DENND2C: variants seen among roughly 807,000 people sequenced by gnomAD.
DENND2C encodes the protein DENN domain-containing protein 2C.
A neutral mutation model predicts 112.4 loss-of-function variants in DENND2C; 72 were observed. The observed-to-expected ratio is 0.64, with a 90% CI of 0.53 to 0.78. The LOEUF (loss-of-function observed/expected upper bound fraction) is 0.78, where lower values mean the gene tolerates loss of function less well. DENND2C is among the 30% of genes least tolerant of loss of function. The probability of loss-of-function intolerance (pLI) is 0.00; values close to 1 mark genes in which losing one functional copy is unlikely to be tolerated. For synonymous variants in DENND2C, 329 were observed against 381.6 expected, an observed-to-expected ratio of 0.86 and a Z score of 1.61; for missense variants, 992 against 1,113.8, an observed-to-expected ratio of 0.89 and a Z score of 1.56.
At chr1:114,586,719 TTTTA>T (rs1412806904) in intron 20 of DENND2C, 2 of 150,830 alleles carry the variant, frequency 1.3e-5, no homozygotes, top group African/African-American at 4.8e-5. Context: ...TTTTATTTAT[TTTTA>T]TTTATTTTTT....
At chr1:114,661,743 G>T (rs1441451611) in intron 1 of DENND2C, among the ~76,000 whole-genome samples, 1 of 152,110 alleles carries the variant, frequency 6.6e-6, no homozygotes, top group African/African-American at 2.4e-5. Flanking sequence ...TCCAGTCATT[G>T]CACATACCTC....
At position 114,623,185 on chromosome 1, in the gene DENND2C, C is replaced by T. The variant is rs571021230; in HGVS notation, c.944-86G>A. On this transcript the variant is annotated intron_variant, in intron 5 of 20. Coordinates refer to ENST00000393274, the MANE Select transcript of DENND2C (RefSeq NM_001256404.2). ...GCTGGCAAAAGAAAGAAAAAGCTAA[C>T]TATGTTCAGCTTTCTTATTCTACAT... 460 of 1,241,558 alleles carry T rather than the reference C, an allele frequency of 3.7e-4. 2 individuals are homozygous for T. The Middle Eastern group carries it at 3.9e-3, about 11-fold the overall frequency. The allele number at this position is 1,241,558 out of a possible 1,614,324, so 76.9% of individuals were successfully genotyped here. A position where few individuals can be genotyped will look rare whatever the true frequency, so the allele number is the denominator to read the frequency against.
intron 19 of DENND2C, 29 bp downstream of exon 19, chr1:114,587,687 G>C (rs772940406): frequency 1.1e-5 from 18 of 1,567,662 alleles, no homozygotes; most frequent in Middle Eastern, 3.4e-4. Flanking sequence ...TCACTAAATA[G>C]AGAGGGAGAA....
Position 114,587,851 on chromosome 1 carries a change from G to C in DENND2C, c.2533C>G (p.Arg845Gly), listed in dbSNP as rs748828925. Reference sequence around the variant, plus strand: ...CGGAATGGTTCCCTTTGGAAAACACGCTCCCCACGCTCAGTGACAGTCATG... The same window carrying C: ...CGGAATGGTTCCCTTTGGAAAACACCCTCCCCACGCTCAGTGACAGTCATG... ...LNMTVTERGE[R>G]VFQREPFRKS... The change falls in exon 19 of 21, where the codon CGT becomes GGT. Residue 845 changes from arginine (R) to glycine (G), a missense_variant. By Grantham distance (125) the Arg-to-Gly change is moderately radical. This residue lies in a region of DENND2C where 516 missense variants were observed against 623.6 expected (regional missense o/e 0.83). Transcript: ENST00000393274. 3.1e-6 allele frequency: 5 copies of C among 1,613,968 alleles called. No individual in the cohort carries two copies. In the Admixed American group the frequency reaches 6.7e-5, roughly 22 times the overall value.
chr1:114,656,092 G>A (rs202013628), intron 1 of DENND2C, among the ~76,000 whole-genome samples: 1 of 151,776 alleles, frequency 6.6e-6, no homozygotes, highest in East Asian at 1.9e-4. Flanking sequence ...TCGGAGATGG[G>A]GGTCTTGCTC....
chr1:114,631,907 T>G (rs1398760031), intron 3 of DENND2C, among the ~76,000 whole-genome samples: 2 of 152,036 alleles, frequency 1.3e-5, no homozygotes, highest in African/African-American at 4.8e-5. Context: ...TTTCATAAAT[T>G]TGAAGGAAAA....
intron 20 of DENND2C, chr1:114,587,106 C>T: frequency 6.1e-6 from 2 of 325,332 alleles, no homozygotes; most frequent in Non-Finnish European, 1.2e-5. Context: ...CCATGTTGGA[C>T]AGGCTAGCTA....
In DENND2C at chr1:114,636,864, A is replaced by G. The variant is rs546521298; in HGVS notation, c.-205+8584T>C. ...TAGCAAGGTCTCAGAACACATGGTC[A>G]GTATAGAAGAATTAACTGTGCCTCT... On this transcript the variant is annotated intron_variant, in intron 3 of 20. Transcript: ENST00000393274. Among the ~76,000 whole-genome samples, 3 of 152,234 alleles carry G rather than the reference A, an allele frequency of 2.0e-5. No homozygotes were observed. The South Asian group carries it at 6.2e-4, about 32-fold the overall frequency.
intron 3 of DENND2C, among the ~76,000 whole-genome samples, chr1:114,630,657 C>A (rs1191727855): frequency 6.6e-6 from 1 of 152,054 alleles, no homozygotes; most frequent in Non-Finnish European, 1.5e-5. Flanking sequence ...ATTTTCAGGG[C>A]ACAGTATCAG....
intron 18 of DENND2C, among the ~76,000 whole-genome samples, chr1:114,588,319 T>C (rs1253293540): frequency 6.6e-6 from 1 of 152,212 alleles, no homozygotes; most frequent in Non-Finnish European, 1.5e-5. Context: ...TACCTCCTCA[T>C]TTCTCTTGTC....
At chr1:114,633,636 C>G (rs1200195664) in intron 3 of DENND2C, among the ~76,000 whole-genome samples, 1 of 150,844 alleles carries the variant, frequency 6.6e-6, no homozygotes, top group Admixed American at 6.6e-5. Context: ...AAGAAGTCAA[C>G]AAAGAAAGAT....
intron 12 of DENND2C, 56 bp from the exon 13 acceptor site, chr1:114,601,641 T>C: frequency 6.8e-7 from 1 of 1,477,140 alleles, no homozygotes. Context: ...TTTTTATTAA[T>C]ACTAATTTGG....
rs1311363234 is a variant in DENND2C, at chr1:114,584,114, TAAAAG to T, written c.*1481_*1485del. 2 of 152,168 alleles carry T rather than the reference TAAAAG, an allele frequency of 1.3e-5. No individual in the cohort carries two copies. Among genetic ancestry groups the T allele is most frequent in the Non-Finnish European group, 1.5e-5 (1 of 68,040 alleles). The allele number at this position is 152,168 out of a possible 1,614,324, so 9.4% of individuals were successfully genotyped here. A position where few individuals can be genotyped will look rare whatever the true frequency, so the allele number is the denominator to read the frequency against. Reference sequence around the variant, plus strand: ...ACACTTAATAGAAAATTTTTATTAATAAAAGAAATAGCTATATAATCCTACTGAGA... The same window carrying T: ...ACACTTAATAGAAAATTTTTATTAATAAATAGCTATATAATCCTACTGAGA... On this transcript the variant is annotated 3_prime_UTR_variant, in exon 21 of 21. Transcript: ENST00000393274.
At chr1:114,611,234 G>A (rs1655807802) in intron 8 of DENND2C, 117 bp from the exon 9 acceptor site, 9 of 1,149,272 alleles carry the variant, frequency 7.8e-6, no homozygotes, top group Non-Finnish European at 1.0e-5. Context: ...TAAAGCTGCT[G>A]AGCCTTTCTC....
At chr1:114,610,997 A>G in intron 9 of DENND2C, 76 bp downstream of exon 9, 1 of 1,517,968 alleles carries the variant, frequency 6.6e-7, no homozygotes, top group Non-Finnish European at 9.1e-7. Context: ...AAACATGCTT[A>G]GTCACAAAGG....
At chr1:114,616,406 A>G (rs1557946346) in intron 8 of DENND2C, among the ~76,000 whole-genome samples, 1 of 151,876 alleles carries the variant, frequency 6.6e-6, no homozygotes, top group African/African-American at 2.4e-5. Flanking sequence ...AGAAAAAAAA[A>G]AAAGAAAATT....
At chr1:114,640,733 C>G (rs955400542) in intron 3 of DENND2C, among the ~76,000 whole-genome samples, 4 of 152,170 alleles carry the variant, frequency 2.6e-5, no homozygotes, top group African/African-American at 9.7e-5. Context: ...AAGGCTTTTA[C>G]ACATCAACAC....
chr1:114,662,102 T>A (rs528042081), intron 1 of DENND2C, among the ~76,000 whole-genome samples: 1 of 152,286 alleles, frequency 6.6e-6, no homozygotes, highest in East Asian at 1.9e-4. Flanking sequence ...GAAAAGGAAA[T>A]TTTCAGTAAA....
At chr1:114,633,439 C>CAAAAAAAAAAAAAAAAAAAAAAAAAAAAA (rs780884019) in intron 3 of DENND2C, among the ~76,000 whole-genome samples, 1 of 49,216 alleles carries the variant, frequency 2.0e-5, no homozygotes, top group Non-Finnish European at 4.1e-5. Flanking sequence ...GACCCTATCT[C>CAAAAAAAAAAAAAAAAAAAAAAAAAAAAA]AAAAAAAAAA....
Sources: gnomAD v4.1 joint callset for allele counts (sites outside exome capture counted in the v4.1 genomes callset) on GRCh38, gnomAD v4.1.1 for gene constraint, gnomAD v4.1.1 regional missense constraint, MANE v1.5 for transcripts, NCBI Gene and HGNC (gene_info 2026-07-23, HGNC 2026-07-21) for gene names.